FHL1: variants seen among roughly 807,000 people sequenced by gnomAD.
The protein encoded by FHL1 is four and a half LIM domains protein 1.
In FHL1, 1 loss-of-function variant was observed where a neutral mutation model predicts 20.3. That is an observed-to-expected ratio of 0.05 (90% CI 0.02 to 0.23). The LOEUF is 0.23. Ranked by LOEUF, FHL1 falls within the 10% of genes least tolerant of loss-of-function variation. The pLI, the probability that FHL1 is intolerant of heterozygous loss-of-function variation, is 1.00. For missense variants in FHL1, 177 were observed against 234.0 expected (o/e 0.76, Z 1.59); for synonymous variants, 82 against 88.9 (o/e 0.92, Z 0.44).
intron 2 of FHL1, among the ~76,000 whole-genome samples, chrX:136,171,654 G>A (rs774078787): frequency 2.4e-4 from 27 of 111,995 alleles, no homozygotes; most frequent in Non-Finnish European, 3.9e-4. Context: ...AACTTTGATA[G>A]AAACCATGTG....
intron 2 of FHL1, among the ~76,000 whole-genome samples, chrX:136,183,915 T>C (rs2073225950): frequency 8.9e-6 from 1 of 111,796 alleles, no homozygotes; most frequent in African/African-American, 3.3e-5. Context: ...ACCTGTATTC[T>C]TATTTCATGA....
At chrX:136,177,013 TACACACACAC>T (rs10527786) in intron 2 of FHL1, among the ~76,000 whole-genome samples, 4 of 88,670 alleles carry the variant, frequency 4.5e-5, no homozygotes, top group African/African-American at 1.6e-4. Flanking sequence ...CATGTAGAAA[TACACACACAC>T]ACACACACAC....
chrX:136,202,324 C>T (rs2073732561), intron 1 of FHL1, among the ~76,000 whole-genome samples: 1 of 112,068 alleles, frequency 8.9e-6, no homozygotes, highest in African/African-American at 3.2e-5. Context: ...AGGATAGCAC[C>T]ACTGCACTTC....
chrX:136,187,751 G>T (rs192534623), intron 2 of FHL1, among the ~76,000 whole-genome samples: 3 of 111,938 alleles, frequency 2.7e-5, no homozygotes, highest in African/African-American at 6.5e-5. Flanking sequence ...TTCTTTGGGG[G>T]TGATGAAAAT....
chrX:136,208,897 C>T (rs909820089), intron 5 of FHL1, among the ~76,000 whole-genome samples: 2 of 95,143 alleles, frequency 2.1e-5, no homozygotes, highest in African/African-American at 3.9e-5. Flanking sequence ...CAGCCAACAC[C>T]GGCAGGCACT....
At chrX:136,164,016 A>G (rs1243141519) in intron 1 of FHL1, among the ~76,000 whole-genome samples, 2 of 111,911 alleles carry the variant, frequency 1.8e-5, no homozygotes, top group African/African-American at 6.5e-5. Context: ...TTGAGAGGAC[A>G]TCAGTCTTCA....
chrX:136,183,446 T>C (rs2073214009), intron 2 of FHL1, among the ~76,000 whole-genome samples: 1 of 111,668 alleles, frequency 9.0e-6, no homozygotes, highest in Admixed American at 9.6e-5. Context: ...TGTGATTGTT[T>C]CATAATCACC....
rs2073319784 is a variant in FHL1, at chrX:136,186,932, A to C, written c.-27+16952A>C. On this transcript the variant is annotated intron_variant, in intron 2 of 6. Coordinates refer to the FHL1 transcript ENST00000394153. ...GATAGATAGATAGATTTCTTACAGC[A>C]TTGTGATAACAAATATTTGTCAATA... Among the ~76,000 whole-genome samples, 5 of 109,280 alleles carry C rather than the reference A, an allele frequency of 4.6e-5. No homozygotes were observed. In the South Asian group the frequency reaches 2.0e-3, roughly 43 times the overall value. 94.9% of individuals were successfully genotyped at this position (109,280 alleles called of 115,157 possible). A position where few individuals can be genotyped will look rare whatever the true frequency, so the allele number is the denominator to read the frequency against.
At chrX:136,209,499 C>T (rs1280022541) in intron 5 of FHL1, 2 of 1,118,603 alleles carry the variant, frequency 1.8e-6, no homozygotes, top group Non-Finnish European at 2.4e-6. Context: ...ACTTTGATGT[C>T]ATGGCCCTGA....
chrX:136,206,157 T>G, intron 1 of FHL1: 1 of 443,704 alleles, frequency 2.3e-6, no homozygotes, highest in Non-Finnish European at 4.0e-6. Context: ...AGCAGGGGCT[T>G]CTACCATCTC....
At chrX:136,198,999 TTGAG>T (rs1277345050) in intron 1 of FHL1, among the ~76,000 whole-genome samples, 1 of 111,376 alleles carries the variant, frequency 9.0e-6, no homozygotes, top group Non-Finnish European at 1.9e-5. Flanking sequence ...TACAGAAGAT[TTGAG>T]TGAGAGTGAA....
At position 136,207,744 on chromosome X, in the gene FHL1, C is replaced by T. The variant is rs762403354; in HGVS notation, c.380-48C>T. The T allele has an allele frequency of 5.0e-6, 6 of 1,192,732 alleles. No individual in the cohort carries two copies. The South Asian group carries it at 8.9e-5, about 18-fold the overall frequency. ...GGGAGGGGAGCTGAGTGGATGCAGC[C>T]CCCTGCAGAGCCTGTCAGTGGGGCT... is the stretch of plus-strand genomic sequence containing the variant. On this transcript the variant is annotated intron_variant, in intron 3 of 5. Transcript: ENST00000370683.
At chrX:136,197,494 C>G (rs1423652221) in intron 1 of FHL1, among the ~76,000 whole-genome samples, 1 of 111,839 alleles carries the variant, frequency 8.9e-6, no homozygotes, top group Admixed American at 9.5e-5. Flanking sequence ...TTCATCTTGA[C>G]AGTGCTTTAC....
intron 1 of FHL1, among the ~76,000 whole-genome samples, chrX:136,157,462 C>T (rs2072452233): frequency 8.9e-6 from 1 of 111,978 alleles, no homozygotes; most frequent in South Asian, 3.7e-4. Context: ...AAAATATCAA[C>T]TTCACCGAGC....
chrX:136,158,406 A>G (rs1180369170), intron 1 of FHL1, among the ~76,000 whole-genome samples: 2 of 111,547 alleles, frequency 1.8e-5, no homozygotes, highest in Non-Finnish European at 3.8e-5. Context: ...TTCTGTTGCT[A>G]TTACTTCGGC....
chrX:136,185,945 G>A (rs2073276179), intron 2 of FHL1, among the ~76,000 whole-genome samples: 1 of 111,567 alleles, frequency 9.0e-6, no homozygotes, highest in African/African-American at 3.3e-5. Context: ...TGCCCAGCTC[G>A]GCTTGCTCCA....
At chrX:136,198,189 A>G (rs1343876022) in intron 1 of FHL1, among the ~76,000 whole-genome samples, 1 of 108,942 alleles carries the variant, frequency 9.2e-6, no homozygotes, top group African/African-American at 3.3e-5. Context: ...TTTCACAAAC[A>G]TGGTACCAAA....
At chrX:136,172,189 C>T (rs973202432) in intron 2 of FHL1, among the ~76,000 whole-genome samples, 6 of 112,033 alleles carry the variant, frequency 5.4e-5, no homozygotes, top group South Asian at 3.7e-4. Flanking sequence ...CCACTGCGCC[C>T]GGCCAAATCT....
At chrX:136,188,109 A>G (rs750662299) in intron 2 of FHL1, among the ~76,000 whole-genome samples, 3 of 112,644 alleles carry the variant, frequency 2.7e-5, no homozygotes, top group East Asian at 5.5e-4. Flanking sequence ...TTTACATATT[A>G]TCTCTATAAT....
Sources: allele counts gnomAD v4.1 joint callset (sites outside exome capture counted in the v4.1 genomes callset), GRCh38; gene constraint gnomAD v4.1.1; transcripts MANE v1.5; gene names NCBI Gene and HGNC (gene_info 2026-07-23, HGNC 2026-07-21).